GRK5: variants seen among roughly 807,000 people sequenced by gnomAD.
The protein encoded by GRK5 is G protein-coupled receptor kinase 5.
GRK5 carries 40 observed loss-of-function variants against 78.4 expected under a neutral mutation model. The observed-to-expected ratio is 0.51, with a 90% CI of 0.40 to 0.66. The LOEUF is 0.66. Ranked by LOEUF, GRK5 falls within the 30% of genes least tolerant of loss-of-function variation. GRK5 has a pLI of 0.00. For missense variants in GRK5, 598 were observed against 759.9 expected (o/e 0.79, Z 2.50); for synonymous variants, 289 against 296.8 (o/e 0.97, Z 0.27).
intron 1 of GRK5, among the ~76,000 whole-genome samples, chr10:119,273,982 C>T (rs1013943543): frequency 1.3e-5 from 2 of 152,182 alleles, no homozygotes; most frequent in African/African-American, 4.8e-5. Flanking sequence ...CCATGTTGGC[C>T]AGGCTGATCT....
At chr10:119,308,291 C>T (rs993360827) in intron 1 of GRK5, among the ~76,000 whole-genome samples, 26 of 152,132 alleles carry the variant, frequency 1.7e-4, no homozygotes, top group Non-Finnish European at 1.8e-4. Context: ...CACCCTGCCC[C>T]GGCCTCAGCT....
At chr10:119,228,649 G>T (rs1219418808) in intron 1 of GRK5, among the ~76,000 whole-genome samples, 1 of 151,978 alleles carries the variant, frequency 6.6e-6, no homozygotes, top group Non-Finnish European at 1.5e-5. Context: ...GAATTATGGA[G>T]ACCTATTCTT....
At chr10:119,424,285 T>G (rs1852629074) in intron 5 of GRK5, among the ~76,000 whole-genome samples, 1 of 152,048 alleles carries the variant, frequency 6.6e-6, no homozygotes, top group Admixed American at 6.5e-5. Context: ...CATAGTCCCC[T>G]CCCTTCCCCA....
chr10:119,358,710 T>C (rs1296357215), intron 2 of GRK5, among the ~76,000 whole-genome samples: 1 of 152,216 alleles, frequency 6.6e-6, no homozygotes, highest in Non-Finnish European at 1.5e-5. Context: ...CCTTGCTCTT[T>C]GGATCATCCA....
chr10:119,341,217 CA>C (rs948247173), intron 2 of GRK5, among the ~76,000 whole-genome samples: 42 of 152,328 alleles, frequency 2.8e-4, no homozygotes, highest in African/African-American at 8.2e-4. Flanking sequence ...CACCTACTTC[CA>C]ACCAAGCTCC....
intron 2 of GRK5, among the ~76,000 whole-genome samples, chr10:119,341,623 T>C (rs1365918016): frequency 6.6e-6 from 1 of 152,082 alleles, no homozygotes; most frequent in Non-Finnish European, 1.5e-5. Context: ...GTCTGATGAC[T>C]CACCTTTGTC....
chr10:119,237,920 G>A (rs77326742), intron 1 of GRK5, among the ~76,000 whole-genome samples: 3,112 of 152,082 alleles, frequency 0.02, 77 homozygotes, highest in South Asian at 0.062. Flanking sequence ...TCTGTCAAGA[G>A]AGAGAGGGAT....
intron 1 of GRK5, among the ~76,000 whole-genome samples, chr10:119,316,643 A>C (rs1479361667): frequency 6.6e-6 from 1 of 152,224 alleles, no homozygotes; most frequent in Non-Finnish European, 1.5e-5. Context: ...TGTTGCAAAA[A>C]GATACCCAAA....
intron 1 of GRK5, among the ~76,000 whole-genome samples, chr10:119,213,712 G>A (rs562074501): frequency 7.2e-4 from 110 of 152,164 alleles, no homozygotes; most frequent in African/African-American, 2.6e-3. Flanking sequence ...ATTTCATTTT[G>A]TGAAAACTGT....
intron 10 of GRK5, among the ~76,000 whole-genome samples, chr10:119,440,054 G>A (rs1441432514): frequency 6.6e-6 from 1 of 152,172 alleles, no homozygotes; most frequent in Non-Finnish European, 1.5e-5. Flanking sequence ...GGTCTCTACA[G>A]TGCACTGAAC....
intron 1 of GRK5, among the ~76,000 whole-genome samples, chr10:119,274,168 C>T (rs780471205): frequency 6.6e-6 from 1 of 152,150 alleles, no homozygotes; most frequent in Non-Finnish European, 1.5e-5. Context: ...AGACTGGTCC[C>T]AACCCACCCA....
At chr10:119,212,725 T>C (rs1848508075) in intron 1 of GRK5, 1 of 152,238 alleles carries the variant, frequency 6.6e-6, no homozygotes, top group African/African-American at 2.4e-5. Flanking sequence ...TCATAGGTCA[T>C]GCAACTCAGA....
chr10:119,301,685 G>C (rs1483821772), intron 1 of GRK5, among the ~76,000 whole-genome samples: 3 of 152,168 alleles, frequency 2.0e-5, no homozygotes, highest in African/African-American at 7.2e-5. Flanking sequence ...CTCTCCTTTT[G>C]AGTCACTTTG....
In GRK5 at chr10:119,417,107, G is replaced by A. The variant is rs139893435; in HGVS notation, c.340-6059G>A. Among the ~76,000 whole-genome samples the A allele has an allele frequency of 8.8e-3, 1,338 of 152,356 alleles. 20 individuals carry two copies. The highest frequency in any genetic ancestry group is 0.03 in the African/African-American group (1,268 of 41,586). Reference sequence around the variant, plus strand: ...TGCTTCATGGGCCTTGGCTGAATGCGTGGAGGCAGAACTGGGGTTGGGCTG... The same window carrying A: ...TGCTTCATGGGCCTTGGCTGAATGCATGGAGGCAGAACTGGGGTTGGGCTG... On this transcript the variant is annotated intron_variant, in intron 4 of 15. Coordinates refer to ENST00000392870, the MANE Select transcript of GRK5 (RefSeq NM_005308.3).
intron 1 of GRK5, among the ~76,000 whole-genome samples, chr10:119,314,821 G>A (rs1054185312): frequency 1.3e-5 from 2 of 152,246 alleles, no homozygotes; most frequent in Non-Finnish European, 1.5e-5. Flanking sequence ...TGGAGGAACC[G>A]AGGGCAGGAT....
intron 3 of GRK5, among the ~76,000 whole-genome samples, chr10:119,394,294 C>CCGTGTATCTATGTG (rs1564916955): frequency 4.2e-3 from 17 of 4,016 alleles, no homozygotes; most frequent in South Asian, 0.012. Context: ...GGGTGTGTAT[C>CCGTGTATCTATGTG]TGTGTGTCTG....
At chr10:119,352,201 G>A (rs1851196082) in intron 2 of GRK5, among the ~76,000 whole-genome samples, 1 of 152,144 alleles carries the variant, frequency 6.6e-6, no homozygotes, top group Non-Finnish European at 1.5e-5. Flanking sequence ...GCTCTTCTGT[G>A]TCATCAGGGT....
intron 1 of GRK5, 71 bp downstream of exon 1, chr10:119,208,040 G>T (rs1389160840): frequency 4.8e-6 from 7 of 1,449,410 alleles, no homozygotes; most frequent in Non-Finnish European, 6.6e-6. Context: ...GGTGGCGTGC[G>T]GGCTGGGGCT....
At chr10:119,425,949 T>C (rs1485451923) in intron 6 of GRK5, among the ~76,000 whole-genome samples, 3 of 152,158 alleles carry the variant, frequency 2.0e-5, no homozygotes, top group African/African-American at 7.2e-5. Context: ...AGTGCTCTGC[T>C]ACCTTCACTG....
Sources: gnomAD v4.1 joint callset for allele counts (sites outside exome capture counted in the v4.1 genomes callset) on GRCh38, gnomAD v4.1.1 for gene constraint, MANE v1.5 for transcripts, NCBI Gene and HGNC (gene_info 2026-07-23, HGNC 2026-07-21) for gene names.